CHD9: variants seen among roughly 807,000 people sequenced by gnomAD.
CHD9 encodes chromodomain helicase DNA binding protein 9.
Under a neutral mutation model 316.1 loss-of-function variants are expected in CHD9, and 77 were observed. The ratio of observed to expected loss-of-function variants is 0.24; its 90% CI spans 0.20 to 0.29. The LOEUF (loss-of-function observed/expected upper bound fraction) is 0.29, where lower values mean the gene tolerates loss of function less well. CHD9 is among the 10% of genes least tolerant of loss of function. The pLI is 1.00. For synonymous variants in CHD9, 1,129 were observed against 1,158.3 expected (o/e 0.97, Z 0.51); for missense variants, 2,763 against 3,438.1 (o/e 0.80, Z 4.91).
At chr16:53,209,163 A>G (rs1382161619) in intron 2 of CHD9, among the ~76,000 whole-genome samples, 1 of 152,204 alleles carries the variant, frequency 6.6e-6, no homozygotes, top group African/African-American at 2.4e-5. Context: ...TTCCAAATGC[A>G]CAGAATATTT....
Position 53,132,599 on chromosome 16 carries a change from A to C in CHD9, c.-164-23327A>C, listed in dbSNP as rs149774038. Among the ~76,000 whole-genome samples, 259 of 152,324 alleles carry C rather than the reference A, an allele frequency of 1.7e-3. 2 individuals carry two copies. Among genetic ancestry groups the C allele is most frequent in the African/African-American group, 5.9e-3 (245 of 41,582 alleles). On this transcript the variant is annotated intron_variant, in intron 1 of 38. Transcript: ENST00000447540. Reference sequence around the variant, plus strand: ...AGTTTGTTTTTGTTTTTTGCAATGCAAAAGGATGATCATAGTGTTTCTTTT... The same window carrying C: ...AGTTTGTTTTTGTTTTTTGCAATGCCAAAGGATGATCATAGTGTTTCTTTT...
chr16:53,110,727 A>C (rs2037800202), intron 1 of CHD9, among the ~76,000 whole-genome samples: 1 of 152,184 alleles, frequency 6.6e-6, no homozygotes, highest in Admixed American at 6.5e-5. Flanking sequence ...GAGCAACTGC[A>C]CTCCAGCCTG....
rs180895525 is a variant in CHD9 at position 53,167,705 on chromosome 16, C to T, written c.1452+10164C>T. Among the ~76,000 whole-genome samples, 19 of 151,964 alleles carry T rather than the reference C, an allele frequency of 1.3e-4. No homozygotes were observed. In the East Asian group the frequency reaches 3.7e-3, roughly 29 times the overall value. On this transcript the variant is annotated intron_variant, in intron 2 of 38. Coordinates refer to ENST00000447540, the MANE Select transcript of CHD9 (RefSeq NM_001308319.2). ...CATAATATAGTGTATATCATATATA[C>T]ATATCATATATAGCTATCTAAGGTC...
At chr16:53,183,750 C>T (rs1597333548) in intron 2 of CHD9, among the ~76,000 whole-genome samples, 1 of 142,458 alleles carries the variant, frequency 7.0e-6, no homozygotes, top group Admixed American at 7.0e-5. Context: ...CCTGTCTGTA[C>T]AAAAAATACA....
intron 38 of CHD9, among the ~76,000 whole-genome samples, chr16:53,323,689 A>AAC (rs1400364131): frequency 6.6e-6 from 1 of 152,160 alleles, no homozygotes; most frequent in African/African-American, 2.4e-5. Flanking sequence ...GATGGTGTGA[A>AAC]ACATGTAAGG....
intron 1 of CHD9, among the ~76,000 whole-genome samples, chr16:53,097,620 C>G (rs902325926): frequency 6.6e-6 from 1 of 152,258 alleles, no homozygotes; most frequent in East Asian, 1.9e-4. Context: ...TTAGTTTTGT[C>G]TGTATCTTTA....
chr16:53,062,182 G>T (rs2032985273), intron 1 of CHD9, among the ~76,000 whole-genome samples: 1 of 152,168 alleles, frequency 6.6e-6, no homozygotes, highest in Non-Finnish European at 1.5e-5. Context: ...ACACTTGATT[G>T]TCTCCTCTTT....
chr16:53,079,440 G>T lies in CHD9; in HGVS notation c.-165+24363G>T, dbSNP rs564818298. ...AGAAACACTTCTAGAACTGAGTTAT[G>T]TTTAGGCACTGTGGTATAATACAAA... On this transcript the variant is annotated intron_variant, in intron 1 of 38. Transcript: ENST00000447540. Among the ~76,000 whole-genome samples the T allele has an allele frequency of 9.2e-5, 14 of 152,352 alleles. No homozygotes were observed. In the East Asian group the frequency reaches 2.7e-3, roughly 29 times the overall value.
chr16:53,313,814 G>A (rs981294318), intron 34 of CHD9, among the ~76,000 whole-genome samples: 10 of 151,780 alleles, frequency 6.6e-5, no homozygotes, highest in Admixed American at 3.3e-4. Context: ...TTAGTTGGGC[G>A]TGGTGGTGGG....
At chr16:53,182,764 T>G (rs2043637471) in intron 2 of CHD9, among the ~76,000 whole-genome samples, 1 of 152,184 alleles carries the variant, frequency 6.6e-6, no homozygotes, top group Non-Finnish European at 1.5e-5. Flanking sequence ...GTACATTTAA[T>G]TTTTATAATT....
At chr16:53,139,613 C>A (rs2039956568) in intron 1 of CHD9, among the ~76,000 whole-genome samples, 1 of 152,094 alleles carries the variant, frequency 6.6e-6, no homozygotes, top group African/African-American at 2.4e-5. Context: ...GTTTAAATGA[C>A]TGTAAGCTCT....
chr16:53,149,849 C>T lies in CHD9; in HGVS notation c.-164-6077C>T, dbSNP rs187866185. Reference sequence around the variant, plus strand: ...TGCTGGGATTGTGGCAGGTATGAGTCACCGTGCAAGGCCCTCTTGTAACCT... The same window carrying T: ...TGCTGGGATTGTGGCAGGTATGAGTTACCGTGCAAGGCCCTCTTGTAACCT... On this transcript the variant is annotated intron_variant, in intron 1 of 38. Transcript: ENST00000447540. Among the ~76,000 whole-genome samples the T allele has an allele frequency of 6.0e-3, 913 of 151,720 alleles. 8 individuals are homozygous for T. The highest frequency in any genetic ancestry group is 0.01 in the Non-Finnish European group (683 of 67,918).
intron 1 of CHD9, among the ~76,000 whole-genome samples, chr16:53,063,001 CAA>C (rs2033085808): frequency 6.6e-6 from 1 of 152,036 alleles, no homozygotes; most frequent in Admixed American, 6.5e-5. Flanking sequence ...GCCTGGGCAA[CAA>C]GAGTGAAACT....
chr16:53,134,695 C>T (rs2152691048), intron 1 of CHD9, among the ~76,000 whole-genome samples: 1 of 152,230 alleles, frequency 6.6e-6, no homozygotes, highest in South Asian at 2.1e-4. Context: ...TTATTCCTTT[C>T]TTTTAGAAAC....
At chr16:53,220,133 A>G (rs1416725999) in intron 3 of CHD9, among the ~76,000 whole-genome samples, 1 of 152,226 alleles carries the variant, frequency 6.6e-6, no homozygotes, top group East Asian at 1.9e-4. Flanking sequence ...GTGAGAGGGA[A>G]TGAAGTGTAA....
intron 2 of CHD9, among the ~76,000 whole-genome samples, chr16:53,163,611 C>T (rs535209503): frequency 6.6e-6 from 1 of 152,088 alleles, no homozygotes; most frequent in Non-Finnish European, 1.5e-5. Context: ...ATACATTTTC[C>T]ATGGCATTAA....
intron 1 of CHD9, among the ~76,000 whole-genome samples, chr16:53,055,847 C>A (rs1221002000): frequency 1.3e-5 from 2 of 152,120 alleles, no homozygotes; most frequent in Non-Finnish European, 2.9e-5. Flanking sequence ...CAGAAAGACA[C>A]CAGTGTGGAA....
rs908856038 is a variant in CHD9, at chr16:53,326,162, A to G, written c.*1267A>G. 6.6e-6 allele frequency: 1 copy of G among 152,616 alleles called. No homozygotes were observed. The highest frequency in any genetic ancestry group is 2.4e-5 in the African/African-American group (1 of 41,570). The allele number at this position is 152,616 out of a possible 1,614,324, so 9.5% of individuals were successfully genotyped here. A position where few individuals can be genotyped will look rare whatever the true frequency, so the allele number is the denominator to read the frequency against. Reference sequence around the variant, plus strand: ...AAATTTGTCTGATATTTGATTTGTGATACAATTTCTCCTGCTAAAGCTGCT... The same window carrying G: ...AAATTTGTCTGATATTTGATTTGTGGTACAATTTCTCCTGCTAAAGCTGCT... On this transcript the variant is annotated 3_prime_UTR_variant, in exon 39 of 39. Transcript: ENST00000447540.
intron 24 of CHD9, among the ~76,000 whole-genome samples, chr16:53,284,783 G>A (rs1323403072): frequency 1.3e-5 from 2 of 151,610 alleles, no homozygotes; most frequent in Admixed American, 6.6e-5. Flanking sequence ...TTTGTTTTTC[G>A]AGACAGGGTC....
Sources: allele counts gnomAD v4.1 joint callset (sites outside exome capture counted in the v4.1 genomes callset), GRCh38; gene constraint gnomAD v4.1.1; transcripts MANE v1.5; gene names NCBI Gene and HGNC (gene_info 2026-07-23, HGNC 2026-07-21).